ARHGAP32: variants seen among roughly 807,000 people sequenced by gnomAD.
The protein encoded by ARHGAP32 is rho GTPase-activating protein 32.
ARHGAP32 carries 51 observed loss-of-function variants against 186.5 expected under a neutral mutation model. The ratio of observed to expected loss-of-function variants is 0.27; its 90% confidence interval spans 0.22 to 0.35. The LOEUF is 0.35. ARHGAP32 is among the 10% of genes least tolerant of loss of function. ARHGAP32 has a pLI of 1.00. For missense variants in ARHGAP32, 2,186 were observed against 2,623.5 expected (o/e 0.83, Z 3.64); for synonymous variants, 950 against 964.3 (o/e 0.99, Z 0.27).
intron 1 of ARHGAP32, among the ~76,000 whole-genome samples, chr11:129,165,308 T>C (rs1015285695): frequency 7.3e-5 from 11 of 151,662 alleles, no homozygotes; most frequent in African/African-American, 2.7e-4. Context: ...TGGCAGCCCA[T>C]CAATGGTGAG....
At chr11:129,103,362 A>C (rs1312528940) in intron 5 of ARHGAP32, among the ~76,000 whole-genome samples, 1 of 152,138 alleles carries the variant, frequency 6.6e-6, no homozygotes, top group Non-Finnish European at 1.5e-5. Flanking sequence ...TGAATCACTA[A>C]GAGAAAAAAA....
rs1565344081 is a variant in ARHGAP32, at chr11:128,969,624, C to T, written c.5589G>A (p.Gln1863=). ...TCTGAGGCAGGGATGGCTTCTCCGG[C>T]TGCGTGCTACCATGGCCTCCGTGAT... ...AHHHGGHGST[Q]PEKPSLPQKQ... is the part of the protein sequence containing the mutation. The change falls in exon 23 of 23, where the codon CAG becomes CAA. Residue 1863 remains glutamine (Q), a synonymous_variant. Transcript: ENST00000682385. This position sits in a 1 kb window ranked among gnomAD's most constrained non-coding sequence, Gnocchi z 4.8. 5.6e-6 allele frequency: 9 copies of T among 1,614,122 alleles called. No homozygotes were observed. In the East Asian group the frequency reaches 1.8e-4, roughly 32 times the overall value.
At chr11:129,261,609 A>G (rs1945321389) in intron 1 of ARHGAP32, among the ~76,000 whole-genome samples, 1 of 152,162 alleles carries the variant, frequency 6.6e-6, no homozygotes, top group South Asian at 2.1e-4. Flanking sequence ...AGTAAAAACC[A>G]AGCATTTTTT....
chr11:129,062,189 G>A (rs1026323691), intron 10 of ARHGAP32, 91 bp downstream of exon 10: 10 of 1,042,850 alleles, frequency 9.6e-6, no homozygotes, highest in Non-Finnish European at 1.5e-5. Context: ...TGATGACAAA[G>A]TCCATTACCA....
At chr11:129,083,172 G>A (rs1280132950) in intron 6 of ARHGAP32, among the ~76,000 whole-genome samples, 1 of 152,178 alleles carries the variant, frequency 6.6e-6, no homozygotes, top group Non-Finnish European at 1.5e-5. Context: ...GGAAAACAGT[G>A]TGGACATTCC....
At chr11:129,000,851 A>T (rs1017413824) in intron 11 of ARHGAP32, among the ~76,000 whole-genome samples, 2 of 151,990 alleles carry the variant, frequency 1.3e-5, no homozygotes, top group Non-Finnish European at 2.9e-5. Flanking sequence ...GGATTTTCAG[A>T]TCCCACAAAT....
chr11:129,265,031 T>A (rs1403672760), intron 1 of ARHGAP32, among the ~76,000 whole-genome samples: 2 of 152,180 alleles, frequency 1.3e-5, no homozygotes, highest in African/African-American at 4.8e-5. Context: ...CTAAAAAGCC[T>A]AACCTTCACC....
intron 1 of ARHGAP32, among the ~76,000 whole-genome samples, chr11:129,211,819 G>A (rs1475515162): frequency 6.6e-6 from 1 of 152,150 alleles, no homozygotes; most frequent in African/African-American, 2.4e-5. Flanking sequence ...TTTCTGCAAT[G>A]ACAAATAATT....
intron 1 of ARHGAP32, among the ~76,000 whole-genome samples, chr11:129,204,191 T>A (rs758082720): frequency 6.6e-6 from 1 of 151,892 alleles, no homozygotes; most frequent in Non-Finnish European, 1.5e-5. Context: ...TTATCATACA[T>A]ATAAATTGTA....
chr11:129,003,440 T>TAGA (rs1937619438), intron 11 of ARHGAP32, among the ~76,000 whole-genome samples: 1 of 152,208 alleles, frequency 6.6e-6, no homozygotes, highest in Non-Finnish European at 1.5e-5. Flanking sequence ...TCTGAATAGT[T>TAGA]AGAGTACAAT....
At chr11:129,021,703 C>T (rs1384287033) in intron 11 of ARHGAP32, among the ~76,000 whole-genome samples, 1 of 151,970 alleles carries the variant, frequency 6.6e-6, no homozygotes, top group Non-Finnish European at 1.5e-5. Context: ...AAAAGTGATA[C>T]TAATTTTTAT....
At chr11:128,978,182 C>T (rs766320168) in intron 19 of ARHGAP32, among the ~76,000 whole-genome samples, 12 of 152,074 alleles carry the variant, frequency 7.9e-5, no homozygotes, top group East Asian at 1.9e-4. Flanking sequence ...AACTGAATGA[C>T]GAATTAAATG....
intron 6 of ARHGAP32, among the ~76,000 whole-genome samples, chr11:129,089,551 A>G (rs529945896): frequency 6.6e-6 from 1 of 152,200 alleles, no homozygotes; most frequent in South Asian, 2.1e-4. Context: ...TGGTGTGACC[A>G]CAGCATGCGA....
At chr11:129,078,255 G>C (rs1474501146) in intron 6 of ARHGAP32, among the ~76,000 whole-genome samples, 1 of 152,054 alleles carries the variant, frequency 6.6e-6, no homozygotes, top group East Asian at 1.9e-4. Flanking sequence ...TAGGGGAAGG[G>C]GGTGAGCACC....
chr11:129,062,850 C>G (rs1286989054), intron 9 of ARHGAP32, among the ~76,000 whole-genome samples: 13 of 136,636 alleles, frequency 9.5e-5, no homozygotes, highest in Non-Finnish European at 2.2e-4. Context: ...AGAAAAGGGC[C>G]TAGGATGGGT....
intron 12 of ARHGAP32, among the ~76,000 whole-genome samples, chr11:128,993,894 AAAAAAATCAATGAC>A (rs1214282840): frequency 6.6e-6 from 1 of 151,948 alleles, no homozygotes; most frequent in African/African-American, 2.4e-5. Context: ...CTGTCCCTAC[AAAAAAATCAATGAC>A]AAAAAATCAA....
intron 10 of ARHGAP32, among the ~76,000 whole-genome samples, chr11:129,053,961 C>A (rs1004332039): frequency 3.3e-5 from 5 of 151,932 alleles, no homozygotes; most frequent in African/African-American, 1.2e-4. Flanking sequence ...ATAAGCAAAT[C>A]CATTAAGCTA....
chr11:129,147,561 A>T (rs908910522), intron 2 of ARHGAP32, among the ~76,000 whole-genome samples: 1 of 152,222 alleles, frequency 6.6e-6, no homozygotes, highest in Non-Finnish European at 1.5e-5. Flanking sequence ...GCTATTTTAC[A>T]ACTCTGCAGA....
chr11:129,076,288 C>T (rs950409369), intron 6 of ARHGAP32, among the ~76,000 whole-genome samples: 1 of 152,196 alleles, frequency 6.6e-6, no homozygotes. Flanking sequence ...ACGAGCGGCC[C>T]ATGCTGTTGC....
Sources: allele counts gnomAD v4.1 joint callset (sites outside exome capture counted in the v4.1 genomes callset), GRCh38; gene constraint gnomAD v4.1.1; non-coding constraint Gnocchi (gnomAD v3.1); transcripts MANE v1.5; gene names NCBI Gene and HGNC (gene_info 2026-07-23, HGNC 2026-07-21).